CEP68: variants seen among roughly 807,000 people sequenced by gnomAD.
CEP68 encodes the protein centrosomal protein 68, also known as centrosomal protein of 68 kDa.
A neutral mutation model predicts 55.3 loss-of-function variants in CEP68; 26 were observed. That is an observed-to-expected ratio of 0.47 (90% CI 0.34 to 0.65). The LOEUF is 0.65. Ranked by LOEUF, CEP68 falls within the 30% of genes least tolerant of loss-of-function variation. The probability of loss-of-function intolerance (pLI) is 0.01; values close to 1 mark genes in which losing one functional copy is unlikely to be tolerated. For synonymous variants in CEP68, 402 were observed against 383.2 expected (o/e 1.05, Z -0.57); for missense variants, 957 against 946.7 (o/e 1.01, Z -0.14).
At chr2:65,078,416 AG>A (rs1168095623) in intron 5 of CEP68, among the ~76,000 whole-genome samples, 1 of 152,150 alleles carries the variant, frequency 6.6e-6, no homozygotes, top group Admixed American at 6.5e-5. Context: ...GTTTCAGAAA[AG>A]GATTGTATTG....
Position 65,078,895 on chromosome 2 carries a change from C to T in CEP68, c.2104+931C>T, listed in dbSNP as rs1244460455. On this transcript the variant is annotated intron_variant, in intron 5 of 6. Transcript: ENST00000377990. ...TCCCCATTTAGGAAAGTGAAAATCA[C>T]AGACCTCAGGCATGTATCTAAGCAT... 2.6e-5 allele frequency among the ~76,000 whole-genome samples: 4 copies of T among 152,200 alleles called. No individual in the cohort carries two copies. In the East Asian group the frequency reaches 7.7e-4, roughly 29 times the overall value.
At chr2:65,067,434 A>G (rs1406899414) in intron 1 of CEP68, among the ~76,000 whole-genome samples, 1 of 152,156 alleles carries the variant, frequency 6.6e-6, no homozygotes, top group African/African-American at 2.4e-5. Flanking sequence ...GCATCAGGAA[A>G]CAAGGGTCAT....
intron 1 of CEP68, among the ~76,000 whole-genome samples, chr2:65,062,269 C>G (rs1365810932): frequency 1.3e-5 from 2 of 152,330 alleles, no homozygotes; most frequent in Non-Finnish European, 2.9e-5. Context: ...TGCGGTGACT[C>G]CCGCCTGTAA....
chr2:65,068,189 C>T (rs1385185261), intron 1 of CEP68, among the ~76,000 whole-genome samples: 2 of 152,200 alleles, frequency 1.3e-5, no homozygotes, highest in African/African-American at 2.4e-5. Context: ...CACATCCTCC[C>T]AGCATTGGTC....
Position 65,071,738 on chromosome 2 carries a change from G to T in CEP68, c.642G>T (p.Ala214=). The T allele has an allele frequency of 6.2e-7, 1 of 1,613,848 alleles. No individual in the cohort carries two copies. Among genetic ancestry groups the T allele is most frequent in the South Asian group, 1.1e-5 (1 of 91,082 alleles). ...GTCTCCAGGGTCACCAGGAGAGGGCGGAGCCTCGTGGTGGTTCTCTGGCCA... is the reference window on the plus strand; with the variant it reads ...GTCTCCAGGGTCACCAGGAGAGGGCTGAGCCTCGTGGTGGTTCTCTGGCCA... ...GSSLQGHQER[A]EPRGGSLAKV... The change falls in exon 3 of 7, where the codon GCG becomes GCT. Residue 214 remains alanine, a synonymous_variant. Coordinates refer to ENST00000377990, the MANE Select transcript of CEP68 (RefSeq NM_015147.3).
chr2:65,061,814 C>A (rs555133035), intron 1 of CEP68, among the ~76,000 whole-genome samples: 32 of 152,360 alleles, frequency 2.1e-4, no homozygotes, highest in Non-Finnish European at 4.1e-4. Context: ...GCTTCCCCTA[C>A]GTGTCTTTAC....
At chr2:65,057,495 C>G (rs1443950843) in intron 1 of CEP68, among the ~76,000 whole-genome samples, 1 of 152,220 alleles carries the variant, frequency 6.6e-6, no homozygotes, top group Non-Finnish European at 1.5e-5. Flanking sequence ...AGTTTAACCT[C>G]TTTTGCGCAA....
In CEP68 at chr2:65,071,955, G is replaced by A. The variant is rs779249313; in HGVS notation, c.859G>A (p.Asp287Asn). ...GCCAGATTCCCTGCCTCCATCACCC[G>A]ACCGCCACTCCCCTCTCTGGAACCC... ...VLPDSLPPSP[D>N]RHSPLWNPNK... The change falls in exon 3 of 7, where the codon GAC becomes AAC. Residue 287 changes from aspartate (D) to asparagine (N), a missense_variant. By Grantham distance (23) the Asp-to-Asn change is conservative. Coordinates refer to ENST00000377990, the MANE Select transcript of CEP68 (RefSeq NM_015147.3). The A allele has an allele frequency of 1.6e-5, 25 of 1,612,528 alleles. No homozygotes were observed. The highest frequency in any genetic ancestry group is 6.6e-5 in the South Asian group (6 of 91,072).
intron 1 of CEP68, among the ~76,000 whole-genome samples, chr2:65,067,992 A>C (rs1404097778): frequency 6.6e-6 from 1 of 152,100 alleles, no homozygotes; most frequent in Non-Finnish European, 1.5e-5. Context: ...GTGTGAGCTG[A>C]GTAAGATGAG....
chr2:65,071,317 T>C, intron 2 of CEP68, 137 bp from the exon 3 acceptor site: 1 of 699,032 alleles, frequency 1.4e-6, no homozygotes, highest in Non-Finnish European at 2.4e-6. Flanking sequence ...GGTTCTTGCC[T>C]CAGGCAGCAG....
chr2:65,076,199 G>C (rs1295955234), intron 4 of CEP68, among the ~76,000 whole-genome samples: 1 of 152,176 alleles, frequency 6.6e-6, no homozygotes, highest in Non-Finnish European at 1.5e-5. Flanking sequence ...CATGCACGCA[G>C]CTGTGCAGGG....
At chr2:65,068,232 A>G (rs977674893) in intron 1 of CEP68, among the ~76,000 whole-genome samples, 12 of 151,816 alleles carry the variant, frequency 7.9e-5, no homozygotes, top group African/African-American at 2.9e-4. Flanking sequence ...CCCCTACCCC[A>G]TCCCACCAGG....
intron 6 of CEP68, 110 bp downstream of exon 6, chr2:65,082,819 C>A: frequency 1.1e-6 from 1 of 914,166 alleles, no homozygotes; most frequent in Non-Finnish European, 1.6e-6. Context: ...AAATGAGATA[C>A]TGGAAGAAGA....
chr2:65,083,194 G>A (rs1167768440), intron 6 of CEP68, among the ~76,000 whole-genome samples: 1 of 152,098 alleles, frequency 6.6e-6, no homozygotes, highest in Non-Finnish European at 1.5e-5. Flanking sequence ...CACCACCCCT[G>A]CCCTGCACAA....
At position 65,066,742 on chromosome 2, in the gene CEP68, AAAAAT is replaced by A. The variant is rs1397021454; in HGVS notation, c.-46-2655_-46-2651del. On this transcript the variant is annotated intron_variant, in intron 1 of 6. Transcript: ENST00000377990. Reference sequence around the variant, plus strand: ...ACTCTGTCTCAAAAAAAAAAAAAAAAAAAATATATATATATATATATATATACACA... The same window carrying A: ...ACTCTGTCTCAAAAAAAAAAAAAAAAATATATATATATATATATATACACA... 2.1e-3 allele frequency among the ~76,000 whole-genome samples: 203 copies of A among 98,566 alleles called. 2 individuals carry two copies. Among genetic ancestry groups the A allele is most frequent in the Middle Eastern group, 0.011 (2 of 182 alleles). 64.7% of individuals were successfully genotyped at this position (98,566 alleles called of 152,430 possible).
rs3052193 is a variant in CEP68, at chr2:65,081,211, C to CA, written c.2105-1310dup. On this transcript the variant is annotated intron_variant, in intron 5 of 6. Coordinates refer to ENST00000377990, the MANE Select transcript of CEP68 (RefSeq NM_015147.3). Reference sequence around the variant, plus strand: ...TGGGTGACAGAGTGAGACTCCATCTCAAAAAAAAAAAAAAAGAAACTGGAG... The same window carrying CA: ...TGGGTGACAGAGTGAGACTCCATCTCAAAAAAAAAAAAAAAAGAAACTGGAG... 1.7e-3 allele frequency among the ~76,000 whole-genome samples: 246 copies of CA among 143,008 alleles called. 4 individuals carry two copies. The highest frequency in any genetic ancestry group is 5.3e-3 in the African/African-American group (205 of 38,780). The allele number at this position is 143,008 out of a possible 152,430, so 93.8% of individuals were successfully genotyped here. A position where few individuals can be genotyped will look rare whatever the true frequency, so the allele number is the denominator to read the frequency against.
chr2:65,069,545 C>A lies in CEP68; in HGVS notation c.101C>A (p.Pro34Gln). ...GSCRERELDI[P>Q]GPMSGEQPPR... ...TGCAGGGAGCGGGAGCTGGACATCCCAGGGCCCATGAGTGGGGAGCAGCCC... is the reference window on the plus strand; with the variant it reads ...TGCAGGGAGCGGGAGCTGGACATCCAAGGGCCCATGAGTGGGGAGCAGCCC... The change falls in exon 2 of 7, where the codon CCA (proline) becomes CAA (glutamine). Residue 34 changes from proline to glutamine, a missense_variant. Transcript: ENST00000377990. 1 of 1,608,774 alleles carries A rather than the reference C, an allele frequency of 6.2e-7. No homozygotes were observed. Among genetic ancestry groups the A allele is most frequent in the Non-Finnish European group, 8.5e-7 (1 of 1,176,684 alleles).
Position 65,077,924 on chromosome 2 carries a change from G to T in CEP68, c.2064G>T (p.Lys688Asn), listed in dbSNP as rs1676838477. ...HQSLTESVLQ[K>N]GEILLQCLLE... ...CTCTGACGGAGAGTGTCTTACAGAAGGGGGAGATTCTTCTTCAGTGCCTGT... is the reference window on the plus strand; with the variant it reads ...CTCTGACGGAGAGTGTCTTACAGAATGGGGAGATTCTTCTTCAGTGCCTGT... The change falls in exon 5 of 7, where the codon AAG becomes AAT. Residue 688 changes from lysine (K) to asparagine (N), a missense_variant. Transcript: ENST00000377990. 1 of 1,613,976 alleles carries T rather than the reference G, an allele frequency of 6.2e-7. No individual in the cohort carries two copies. The highest frequency in any genetic ancestry group is 1.1e-5 in the South Asian group (1 of 91,070).
In CEP68 at chr2:65,073,171, A is replaced by G. The variant is rs570331831; in HGVS notation, c.1884+191A>G. On this transcript the variant is annotated intron_variant, in intron 3 of 6. Coordinates refer to ENST00000377990, the MANE Select transcript of CEP68 (RefSeq NM_015147.3). ...GCACTGTTCTCATTTTACTTTTTGG[A>G]GGAAAGAGCAGAGAGAGGTTAGGTA... 8.9e-5 allele frequency: 64 copies of G among 722,784 alleles called. No individual in the cohort carries two copies. The South Asian group carries it at 8.9e-4, about 10-fold the overall frequency. The allele number at this position is 722,784 out of a possible 1,614,324, so 44.8% of individuals were successfully genotyped here.
Sources: gnomAD v4.1 joint callset for allele counts (sites outside exome capture counted in the v4.1 genomes callset) on GRCh38, gnomAD v4.1.1 for gene constraint, MANE v1.5 for transcripts, NCBI Gene and HGNC (gene_info 2026-07-23, HGNC 2026-07-21) for gene names.